PRKG1: variants seen among roughly 807,000 people sequenced by gnomAD.
PRKG1 encodes protein kinase cGMP-dependent 1.
A neutral mutation model predicts 88.1 loss-of-function variants in PRKG1; 35 were observed. The observed-to-expected ratio is 0.40, with a 90% CI of 0.30 to 0.53. PRKG1 has a LOEUF of 0.53. Among genes scored for constraint, PRKG1 ranks in the 20% least tolerant of loss-of-function variants. The probability of loss-of-function intolerance (pLI) is 0.59; values close to 1 mark genes in which losing one functional copy is unlikely to be tolerated. For synonymous variants in PRKG1, 303 were observed against 292.5 expected, an observed-to-expected ratio of 1.04 and a Z score of -0.37; for missense variants, 540 against 839.8, an observed-to-expected ratio of 0.64 and a Z score of 4.41.
chr10:51,942,035 C>A (rs1842920554), intron 5 of PRKG1, among the ~76,000 whole-genome samples: 1 of 152,192 alleles, frequency 6.6e-6, no homozygotes, highest in South Asian at 2.1e-4. Context: ...ACACGGACTT[C>A]CACAAGGGTT....
Position 51,146,391 on chromosome 10 carries a change from G to C in PRKG1, c.312-6773G>C, listed in dbSNP as rs867723431. On this transcript the variant is annotated intron_variant, in intron 1 of 17. Transcript: ENST00000373980. The stretch of plus-strand genomic sequence containing the variant: ...ATTTGTATGTCTTCTTTTGAGATAT[G>C]TTTATTCAGATCACATGCCCATGTT... Among the ~76,000 whole-genome samples the C allele has an allele frequency of 6.6e-5, 10 of 151,488 alleles. 1 individual carries two copies. In the South Asian group the frequency reaches 8.4e-4, roughly 13 times the overall value.
At chr10:51,763,270 C>T (rs867110572) in intron 3 of PRKG1, among the ~76,000 whole-genome samples, 57 of 151,922 alleles carry the variant, frequency 3.8e-4, no homozygotes, top group African/African-American at 1.3e-3. Context: ...TCTACTTTGT[C>T]GGCAAGGCTA....
chr10:51,982,241 G>A (rs1432598446), intron 5 of PRKG1, among the ~76,000 whole-genome samples: 1 of 152,020 alleles, frequency 6.6e-6, no homozygotes, highest in Non-Finnish European at 1.5e-5. Flanking sequence ...TATCTTCCTT[G>A]GATTGAGTTT....
At chr10:52,197,816 T>A (rs1839548445) in intron 9 of PRKG1, among the ~76,000 whole-genome samples, 1 of 152,214 alleles carries the variant, frequency 6.6e-6, no homozygotes, top group Non-Finnish European at 1.5e-5. Context: ...CTTTTGAATA[T>A]TACTATATTC....
At chr10:51,995,687 G>A (rs1844421913) in intron 5 of PRKG1, among the ~76,000 whole-genome samples, 1 of 152,110 alleles carries the variant, frequency 6.6e-6, no homozygotes, top group African/African-American at 2.4e-5. Flanking sequence ...GGTGGATTAG[G>A]TTTGATAGCA....
At chr10:52,274,518 CATAT>C (rs371343306) in intron 12 of PRKG1, among the ~76,000 whole-genome samples, 4 of 143,372 alleles carry the variant, frequency 2.8e-5, no homozygotes, top group Admixed American at 7.1e-5. Context: ...TACATGCCAT[CATAT>C]ATATATATAT....
At chr10:51,907,472 T>C (rs756065459) in intron 4 of PRKG1, 35 bp from the exon 5 acceptor site, 2 of 1,540,158 alleles carry the variant, frequency 1.3e-6, no homozygotes, top group East Asian at 4.6e-5. Context: ...AAGTTGTGGT[T>C]CATGTGTTCA....
At chr10:51,340,491 G>C (rs1841981155) in intron 2 of PRKG1, among the ~76,000 whole-genome samples, 1 of 152,076 alleles carries the variant, frequency 6.6e-6, no homozygotes, top group Non-Finnish European at 1.5e-5. Flanking sequence ...TCATTTCAAA[G>C]TACTTGCTAC....
intron 2 of PRKG1, among the ~76,000 whole-genome samples, chr10:51,263,605 C>A (rs572292382): frequency 1.3e-5 from 2 of 152,176 alleles, no homozygotes; most frequent in Non-Finnish European, 2.9e-5. Context: ...TCTTTATGTC[C>A]TCATGCAATT....
chr10:51,530,606 T>A (rs981505938), intron 3 of PRKG1, among the ~76,000 whole-genome samples: 1 of 152,210 alleles, frequency 6.6e-6, no homozygotes, highest in Admixed American at 6.5e-5. Context: ...TGGTCACCAA[T>A]GCCTTTTGCT....
chr10:51,510,706 A>G (rs1841369642), intron 3 of PRKG1, among the ~76,000 whole-genome samples: 1 of 151,924 alleles, frequency 6.6e-6, no homozygotes, highest in African/African-American at 2.4e-5. Flanking sequence ...TAATGAAAAA[A>G]TGAGTTAAAT....
At chr10:51,595,021 T>C (rs999928136) in intron 3 of PRKG1, among the ~76,000 whole-genome samples, 1 of 152,192 alleles carries the variant, frequency 6.6e-6, no homozygotes, top group East Asian at 1.9e-4. Context: ...GGATGTATGA[T>C]AATGGAATCC....
intron 10 of PRKG1, chr10:52,251,868 A>G: frequency 2.1e-6 from 1 of 478,380 alleles, no homozygotes; most frequent in East Asian, 3.3e-5. Flanking sequence ...ACGACTAAAA[A>G]TAAAATAACA....
At chr10:51,539,881 G>A (rs975465184) in intron 3 of PRKG1, among the ~76,000 whole-genome samples, 1 of 151,954 alleles carries the variant, frequency 6.6e-6, no homozygotes, top group African/African-American at 2.4e-5. Context: ...AAAATCAATG[G>A]GAATTATTTT....
intron 2 of PRKG1, among the ~76,000 whole-genome samples, chr10:51,295,023 C>T (rs894450636): frequency 3.3e-5 from 5 of 152,036 alleles, no homozygotes; most frequent in Middle Eastern, 3.4e-3. Context: ...TTTGAGGCTG[C>T]AGTGAGCTAT....
In PRKG1 at chr10:51,850,093, G is replaced by T. The variant is rs78512189; in HGVS notation, c.698+45403G>T. On this transcript the variant is annotated intron_variant, in intron 4 of 17. Coordinates refer to ENST00000373980, the MANE Select transcript of PRKG1 (RefSeq NM_006258.4). Reference sequence around the variant, plus strand: ...ATAAAAATTAATAGAAGAAAACATTGTTCACTTGTTTTATAATCTTGAAGC... The same window carrying T: ...ATAAAAATTAATAGAAGAAAACATTTTTCACTTGTTTTATAATCTTGAAGC... Among the ~76,000 whole-genome samples the T allele has an allele frequency of 7.0e-3, 1,070 of 152,270 alleles. 16 individuals are homozygous for T. The highest frequency in any genetic ancestry group is 0.023 in the African/African-American group (962 of 41,560).
chr10:51,514,001 C>T (rs1367152958), intron 3 of PRKG1, among the ~76,000 whole-genome samples: 19 of 137,440 alleles, frequency 1.4e-4, no homozygotes, highest in Admixed American at 4.5e-4. Flanking sequence ...AAGATCAGAG[C>T]AGAACTGAAG....
At chr10:51,667,087 C>A (rs1344784285) in intron 3 of PRKG1, among the ~76,000 whole-genome samples, 1 of 152,056 alleles carries the variant, frequency 6.6e-6, no homozygotes, top group African/African-American at 2.4e-5. Flanking sequence ...ACATTTATTT[C>A]TATTATTGAC....
At chr10:51,581,220 TG>T (rs1052011378) in intron 3 of PRKG1, among the ~76,000 whole-genome samples, 1 of 152,188 alleles carries the variant, frequency 6.6e-6, no homozygotes, top group Non-Finnish European at 1.5e-5. Flanking sequence ...CAATATAGTG[TG>T]TGCATCAGTA....
Sources: gnomAD v4.1 joint callset for allele counts (sites outside exome capture counted in the v4.1 genomes callset) on GRCh38, gnomAD v4.1.1 for gene constraint, MANE v1.5 for transcripts, NCBI Gene and HGNC (gene_info 2026-07-23, HGNC 2026-07-21) for gene names.